TMEM132D: variants seen among roughly 807,000 people sequenced by gnomAD.
TMEM132D encodes the protein mature OL transmembrane protein.
A neutral mutation model predicts 62.3 loss-of-function variants in TMEM132D; 21 were observed. The ratio of observed to expected loss-of-function variants is 0.34; its 90% CI spans 0.24 to 0.49. TMEM132D has a LOEUF of 0.49. TMEM132D is among the 20% of genes least tolerant of loss of function. TMEM132D has a pLI of 0.99. For missense variants in TMEM132D, 1,346 were observed against 1,402.8 expected, an observed-to-expected ratio of 0.96 and a Z score of 0.65; for synonymous variants, 621 against 575.6, an observed-to-expected ratio of 1.08 and a Z score of -1.13.
rs1216097856 is a variant in TMEM132D, at chr12:129,779,171, T to C, written c.80-78473A>G. Among the ~76,000 whole-genome samples the C allele has an allele frequency of 6.6e-6, 1 of 152,158 alleles. No homozygotes were observed. The highest frequency in any genetic ancestry group is 2.4e-5 in the African/African-American group (1 of 41,428). ...ACCCAGCAGGAAGGATACAAGGCCTTAGGAAGGATCCATCTGGAAAGCCCC... is the reference window on the plus strand; with the variant it reads ...ACCCAGCAGGAAGGATACAAGGCCTCAGGAAGGATCCATCTGGAAAGCCCC... On this transcript the variant is annotated intron_variant, in intron 1 of 8. Transcript: ENST00000422113. This position sits in a 1 kb window ranked among gnomAD's most constrained non-coding sequence, Gnocchi z 4.1.
chr12:129,537,100 C>T (rs896034205), intron 2 of TMEM132D, among the ~76,000 whole-genome samples: 4 of 135,288 alleles, frequency 3.0e-5, no homozygotes, highest in South Asian at 2.4e-4. Flanking sequence ...GCAGAGGTTG[C>T]GGTGAGCCGA....
chr12:129,264,945 G>A (rs77528784), intron 4 of TMEM132D, among the ~76,000 whole-genome samples: 3,012 of 152,210 alleles, frequency 0.02, 108 homozygotes, highest in African/African-American at 0.069. Context: ...AGGAATAAAA[G>A]ACTACAGATA....
At chr12:129,813,678 G>C (rs1872260757) in intron 1 of TMEM132D, among the ~76,000 whole-genome samples, 1 of 149,944 alleles carries the variant, frequency 6.7e-6, no homozygotes. Context: ...AAATCGAGTT[G>C]AGGAAAATCA....
Position 129,250,713 on chromosome 12 carries a change from G to A in TMEM132D, c.1300-41050C>T, listed in dbSNP as rs536914894. The stretch of plus-strand genomic sequence containing the variant: ...CCACACGCATGGGATTGTTCCAGTG[G>A]CTGAGTCTGGGGAGGATGACCAAGC... On this transcript the variant is annotated intron_variant, in intron 4 of 8. Transcript: ENST00000422113. Among the ~76,000 whole-genome samples the A allele has an allele frequency of 4.6e-5, 7 of 152,280 alleles. No homozygotes were observed. The South Asian group carries it at 1.5e-3, about 32-fold the overall frequency.
intron 1 of TMEM132D, among the ~76,000 whole-genome samples, chr12:129,712,015 A>C (rs1265707410): frequency 6.6e-6 from 1 of 151,978 alleles, no homozygotes; most frequent in Non-Finnish European, 1.5e-5. Flanking sequence ...TCTCCAGTAC[A>C]TCCTCAGGTT....
chr12:129,207,097 A>C (rs1333742958), intron 5 of TMEM132D, among the ~76,000 whole-genome samples: 1 of 152,258 alleles, frequency 6.6e-6, no homozygotes, highest in South Asian at 2.1e-4. Flanking sequence ...TGTACCCCCA[A>C]ACCTGAAATA....
At chr12:129,388,382 T>A (rs1871185882) in intron 3 of TMEM132D, among the ~76,000 whole-genome samples, 2 of 103,816 alleles carry the variant, frequency 1.9e-5, no homozygotes, top group Admixed American at 9.2e-5. Context: ...GATGATAATA[T>A]TAACACTAAC....
chr12:129,727,074 C>T (rs11060519), intron 1 of TMEM132D, among the ~76,000 whole-genome samples: 21,903 of 152,204 alleles, frequency 0.14, 1,744 homozygotes, highest in South Asian at 0.25. Context: ...TTAGGACAGA[C>T]ACCCATGAAT....
chr12:129,280,890 T>G (rs1162865170), intron 4 of TMEM132D, among the ~76,000 whole-genome samples: 1 of 152,082 alleles, frequency 6.6e-6, no homozygotes, highest in East Asian at 1.9e-4. Context: ...AATACAGGAT[T>G]CTAGTATGAT....
chr12:129,319,771 T>C (rs1251791909), intron 4 of TMEM132D, among the ~76,000 whole-genome samples: 2 of 152,180 alleles, frequency 1.3e-5, no homozygotes, highest in African/African-American at 4.8e-5. Flanking sequence ...CCGCAGAAGG[T>C]ATTGTCCTTT....
chr12:129,452,745 G>A (rs182669744), intron 3 of TMEM132D, among the ~76,000 whole-genome samples: 54 of 152,250 alleles, frequency 3.5e-4, no homozygotes, highest in Non-Finnish European at 6.9e-4. Context: ...AGAGAAAAGG[G>A]TAGGCAGAAA....
Position 129,723,233 on chromosome 12 carries a change from C to A in TMEM132D, c.80-22535G>T, listed in dbSNP as rs183961816. On this transcript the variant is annotated intron_variant, in intron 1 of 8. Transcript: ENST00000422113. ...GTTTTTAATGCTTCCCCGACATTTGCTAATCTTTCATATAACAGAAGATGG... is the reference window on the plus strand; with the variant it reads ...GTTTTTAATGCTTCCCCGACATTTGATAATCTTTCATATAACAGAAGATGG... Among the ~76,000 whole-genome samples the A allele has an allele frequency of 9.2e-5, 14 of 152,338 alleles. No individual in the cohort carries two copies. In the East Asian group the frequency reaches 2.7e-3, roughly 29 times the overall value.
At chr12:129,694,680 C>G (rs961417776) in intron 2 of TMEM132D, among the ~76,000 whole-genome samples, 1 of 152,160 alleles carries the variant, frequency 6.6e-6, no homozygotes, top group South Asian at 2.1e-4. Context: ...ACCTCACTTC[C>G]GGTTTCTGTA....
At chr12:129,173,602 T>C (rs1350397561) in intron 5 of TMEM132D, among the ~76,000 whole-genome samples, 1 of 152,240 alleles carries the variant, frequency 6.6e-6, no homozygotes, top group East Asian at 1.9e-4. Flanking sequence ...TTGTGATTTA[T>C]GTTTACGCCA....
intron 1 of TMEM132D, among the ~76,000 whole-genome samples, chr12:129,730,776 G>A (rs1475927698): frequency 6.6e-6 from 1 of 152,018 alleles, no homozygotes; most frequent in Non-Finnish European, 1.5e-5. Flanking sequence ...TAGACTGGCT[G>A]AGTCTCCTGG....
At chr12:129,647,113 C>T (rs1879803754) in intron 2 of TMEM132D, among the ~76,000 whole-genome samples, 1 of 60,930 alleles carries the variant, frequency 1.6e-5, no homozygotes, top group African/African-American at 4.8e-5. Context: ...TGTTTTTATA[C>T]ATACATACAT....
At chr12:129,191,846 C>T in intron 5 of TMEM132D, among the ~76,000 whole-genome samples, 1 of 152,138 alleles carries the variant, frequency 6.6e-6, no homozygotes, top group East Asian at 1.9e-4. Flanking sequence ...GGGGCAGGGA[C>T]TTTTTTGTTA....
At chr12:129,121,262 A>T (rs1003126376) in intron 5 of TMEM132D, among the ~76,000 whole-genome samples, 1 of 151,918 alleles carries the variant, frequency 6.6e-6, no homozygotes, top group African/African-American at 2.4e-5. Context: ...TGCCTGGCTA[A>T]TTTTTGTATT....
At chr12:129,335,724 CCTTTT>C (rs141282401) in intron 4 of TMEM132D, among the ~76,000 whole-genome samples, 35,552 of 151,912 alleles carry the variant, frequency 0.23, 4,343 homozygotes, top group Non-Finnish European at 0.27. Context: ...CCTTAGAATA[CCTTTT>C]CTTTTATTTC....
Sources: gnomAD v4.1 joint callset for allele counts (sites outside exome capture counted in the v4.1 genomes callset) on GRCh38, gnomAD v4.1.1 for gene constraint, Gnocchi (gnomAD v3.1) non-coding constraint, MANE v1.5 for transcripts, NCBI Gene and HGNC (gene_info 2026-07-23, HGNC 2026-07-21) for gene names.